Variants in SORCS3 observed in about 807,000 individuals in gnomAD.
The protein encoded by SORCS3 is VPS10 domain-containing receptor SorCS3.
Under a neutral mutation model 146.3 loss-of-function variants are expected in SORCS3, and 57 were observed. The ratio of observed to expected loss-of-function variants is 0.39; its 90% CI spans 0.31 to 0.49. The LOEUF is 0.49. Among genes scored for constraint, SORCS3 ranks in the 20% least tolerant of loss-of-function variants. The probability of loss-of-function intolerance (pLI) is 0.92; values close to 1 mark genes in which losing one functional copy is unlikely to be tolerated. For synonymous variants in SORCS3, 653 were observed against 618.5 expected (o/e 1.06, Z -0.83); for missense variants, 1,341 against 1,575.5 (o/e 0.85, Z 2.52).
chr10:105,005,710 A>G (rs1322783190), intron 4 of SORCS3, among the ~76,000 whole-genome samples: 2 of 152,110 alleles, frequency 1.3e-5, no homozygotes, highest in African/African-American at 4.8e-5. Context: ...GACCTCTTTT[A>G]TCTCTGCCCT....
intron 2 of SORCS3, among the ~76,000 whole-genome samples, chr10:104,873,791 T>C (rs1413196607): frequency 6.6e-6 from 1 of 152,164 alleles, no homozygotes. Context: ...AGCTAACAGA[T>C]TGTCATAAAG....
intron 3 of SORCS3, among the ~76,000 whole-genome samples, chr10:104,962,847 A>T (rs1376708405): frequency 6.6e-6 from 1 of 152,242 alleles, no homozygotes; most frequent in Non-Finnish European, 1.5e-5. Context: ...ACCACTGTTA[A>T]CGTGAATGTT....
At chr10:104,889,030 C>T (rs1269739351) in intron 2 of SORCS3, among the ~76,000 whole-genome samples, 2 of 152,134 alleles carry the variant, frequency 1.3e-5, no homozygotes, top group Non-Finnish European at 2.9e-5. Flanking sequence ...ATTACTTTAT[C>T]ATTATAAAAT....
At chr10:105,129,408 ACAGAGAGGGGG>A (rs2133771238) in intron 7 of SORCS3, among the ~76,000 whole-genome samples, 1 of 146,618 alleles carries the variant, frequency 6.8e-6, no homozygotes, top group Non-Finnish European at 1.5e-5. Context: ...ATTTTTGAGC[ACAGAGAGGGGG>A]CAATGTTTTG....
intron 3 of SORCS3, among the ~76,000 whole-genome samples, chr10:104,917,057 G>A (rs558502422): frequency 6.6e-6 from 1 of 152,140 alleles, no homozygotes; most frequent in Non-Finnish European, 1.5e-5. Context: ...GCAAAGGGAG[G>A]GAGCAGAATT....
At chr10:105,187,891 A>G in intron 14 of SORCS3, among the ~76,000 whole-genome samples, 1 of 152,204 alleles carries the variant, frequency 6.6e-6, no homozygotes, top group East Asian at 1.9e-4. Flanking sequence ...TTCCATCCTC[A>G]GTAGAGGAAA....
intron 3 of SORCS3, among the ~76,000 whole-genome samples, chr10:104,974,226 C>A (rs2054879734): frequency 6.6e-6 from 1 of 152,114 alleles, no homozygotes; most frequent in Non-Finnish European, 1.5e-5. Context: ...TGGTGCAGAG[C>A]TGAGTTCAAT....
intron 4 of SORCS3, among the ~76,000 whole-genome samples, chr10:105,031,061 G>C (rs1045653696): frequency 6.6e-6 from 1 of 151,582 alleles, no homozygotes. Flanking sequence ...TTGGGAGGCC[G>C]AGGTGGGCGG....
intron 20 of SORCS3, 113 bp downstream of exon 20, chr10:105,223,362 A>G (rs2056716043): frequency 9.0e-7 from 1 of 1,116,086 alleles, no homozygotes; most frequent in Admixed American, 2.7e-5. Flanking sequence ...GAGGTACTTA[A>G]TAAACCTATG....
intron 14 of SORCS3, among the ~76,000 whole-genome samples, chr10:105,182,230 C>CTTTTTTTTTTTTTTTTTTTTTTTTTT (rs11340368): frequency 7.1e-5 from 5 of 70,486 alleles, no homozygotes; most frequent in Non-Finnish European, 1.3e-4. Flanking sequence ...TATTCAGCAT[C>CTTTTTTTTTTTTTTTTTTTTTTTTTT]TTTTTTTTTT....
chr10:105,081,022 T>C (rs1012056933), intron 5 of SORCS3, among the ~76,000 whole-genome samples: 4 of 152,206 alleles, frequency 2.6e-5, no homozygotes, highest in Admixed American at 2.6e-4. Flanking sequence ...ATATGTTAAT[T>C]AACTTGACTT....
At chr10:104,686,612 G>C (rs915163) in intron 1 of SORCS3, among the ~76,000 whole-genome samples, 15,980 of 152,126 alleles carry the variant, frequency 0.11, 904 homozygotes, top group Admixed American at 0.14. Flanking sequence ...GGCCACACAA[G>C]TCTTCTCTCT....
At chr10:104,656,577 T>A (rs779081530) in intron 1 of SORCS3, among the ~76,000 whole-genome samples, 5 of 151,668 alleles carry the variant, frequency 3.3e-5, no homozygotes, top group Non-Finnish European at 5.9e-5. Flanking sequence ...GGTGGGAGGA[T>A]CACTTGAGCC....
intron 2 of SORCS3, among the ~76,000 whole-genome samples, chr10:104,875,369 G>A (rs2018560462): frequency 6.6e-6 from 1 of 152,146 alleles, no homozygotes; most frequent in Non-Finnish European, 1.5e-5. Context: ...TCCTGACTGT[G>A]CCATTAAATA....
Position 105,157,258 on chromosome 10 carries a change from A to G in SORCS3, c.1603A>G (p.Arg535Gly). 6.2e-7 allele frequency: 1 copy of G among 1,614,060 alleles called. No homozygotes were observed. Among genetic ancestry groups the G allele is most frequent in the Non-Finnish European group, 8.5e-7 (1 of 1,179,946 alleles). The stretch of plus-strand genomic sequence containing the variant: ...GCTGCAAGCTCCGGATGTGGACCTG[A>G]GAGGAAGCCCAGTGCACTGCCTGCT... ...RLLQAPDVDL[R>G]GSPVHCLLPF... Residue 535 changes from arginine to glycine, a missense_variant, in exon 10 of 27, where the codon AGA becomes GGA. Arg to Gly is a moderately radical substitution (Grantham distance 125). Transcript: ENST00000369701.
Position 105,026,698 on chromosome 10 carries a change from AC to A in SORCS3, c.955-16355del, listed in dbSNP as rs536945182. On this transcript the variant is annotated intron_variant, in intron 4 of 26. Transcript: ENST00000369701. ...GCAGCAACATGGAATGCAGCTGGAG[AC>A]CATTATACTAAGTGAATTAAGGCAG... is the stretch of plus-strand genomic sequence containing the variant. 2.7e-3 allele frequency among the ~76,000 whole-genome samples: 405 copies of A among 152,330 alleles called. 1 individual carries two copies. Among genetic ancestry groups the A allele is most frequent in the Admixed American group, 4.6e-3 (71 of 15,302 alleles).
chr10:105,083,572 A>T (rs1032257919), intron 5 of SORCS3, among the ~76,000 whole-genome samples: 4 of 152,244 alleles, frequency 2.6e-5, no homozygotes, highest in Middle Eastern at 3.4e-3. Flanking sequence ...TCATTCTATC[A>T]TCACAGACCT....
intron 13 of SORCS3, 123 bp downstream of exon 13, chr10:105,167,472 C>T (rs12411545): frequency 0.086 from 58,387 of 678,470 alleles, 3,159 homozygotes; most frequent in Admixed American, 0.18. Context: ...TTTATTTATC[C>T]ATCCATCCAT....
chr10:104,657,602 A>G (rs1012279300), intron 1 of SORCS3, among the ~76,000 whole-genome samples: 6 of 152,294 alleles, frequency 3.9e-5, no homozygotes, highest in Admixed American at 2.6e-4. Context: ...TTTATAGTCC[A>G]AAAGAATTAA....
Sources: gnomAD v4.1 joint callset for allele counts (sites outside exome capture counted in the v4.1 genomes callset) on GRCh38, gnomAD v4.1.1 for gene constraint, MANE v1.5 for transcripts, NCBI Gene and HGNC (gene_info 2026-07-23, HGNC 2026-07-21) for gene names.